Variants in VAV1 observed in about 807,000 individuals in gnomAD.
VAV1 encodes vav guanine nucleotide exchange factor 1, also known as proto-oncogene vav.
Under a neutral mutation model 128.1 loss-of-function variants are expected in VAV1, and 33 were observed. The ratio of observed to expected loss-of-function variants is 0.26; its 90% CI spans 0.20 to 0.34. The LOEUF is 0.34. Among genes scored for constraint, VAV1 ranks in the 10% least tolerant of loss-of-function variants. The pLI is 1.00. For missense variants in VAV1, 715 were observed against 1,093.7 expected, an observed-to-expected ratio of 0.65 and a Z score of 4.88; for synonymous variants, 394 against 409.8, an observed-to-expected ratio of 0.96 and a Z score of 0.47.
intron 22 of VAV1, among the ~76,000 whole-genome samples, chr19:6,844,207 A>ATCTC (rs1168147600): frequency 6.7e-6 from 1 of 149,006 alleles, no homozygotes. Context: ...TCAGTTTATC[A>ATCTC]TCTCTGGCTA....
intron 21 of VAV1, among the ~76,000 whole-genome samples, chr19:6,839,246 G>T (rs562445156): frequency 1.3e-5 from 2 of 149,360 alleles, no homozygotes; most frequent in Non-Finnish European, 3.0e-5. Context: ...TAGAGATAGG[G>T]TCTCACTATG....
rs966349908 is a variant in VAV1, at chr19:6,788,227, T to A, written c.204+15216T>A. On this transcript the variant is annotated intron_variant, in intron 1 of 26. Transcript: ENST00000602142. Reference sequence around the variant, plus strand: ...TAGATTACAGGAATGAGCCACCACATCCAGCCTGCTCTAAATTTATATTCT... The same window carrying A: ...TAGATTACAGGAATGAGCCACCACAACCAGCCTGCTCTAAATTTATATTCT... 2.0e-5 allele frequency among the ~76,000 whole-genome samples: 3 copies of A among 151,992 alleles called. No homozygotes were observed. In the Middle Eastern group the frequency reaches 0.01, roughly 517 times the overall value.
At chr19:6,795,860 T>A (rs1210431229) in intron 1 of VAV1, among the ~76,000 whole-genome samples, 1 of 152,148 alleles carries the variant, frequency 6.6e-6, no homozygotes, top group Non-Finnish European at 1.5e-5. Context: ...ATTTTTGTTA[T>A]TTTTAGTAGA....
At chr19:6,809,134 G>A (rs1971461562) in intron 1 of VAV1, among the ~76,000 whole-genome samples, 1 of 150,536 alleles carries the variant, frequency 6.6e-6, no homozygotes, top group African/African-American at 2.5e-5. Flanking sequence ...AAGCTGGGGT[G>A]CAGTGACTTG....
intron 21 of VAV1, among the ~76,000 whole-genome samples, chr19:6,837,971 C>G (rs1175906723): frequency 2.6e-5 from 4 of 151,986 alleles, no homozygotes; most frequent in Admixed American, 2.6e-4. Flanking sequence ...TTTTTTTGTT[C>G]CTATGGTTTC....
chr19:6,843,244 C>T (rs1042803490), intron 22 of VAV1, 78 bp downstream of exon 22: 62 of 1,514,416 alleles, frequency 4.1e-5, no homozygotes, highest in South Asian at 1.5e-4. Flanking sequence ...GAGGAACCTC[C>T]GAGCCAATTA....
chr19:6,788,329 G>A (rs16993789), intron 1 of VAV1, among the ~76,000 whole-genome samples: 5,373 of 147,374 alleles, frequency 0.036, 319 homozygotes, highest in African/African-American at 0.13. Flanking sequence ...ATTATCCTTC[G>A]TTGAACATGA....
intron 1 of VAV1, among the ~76,000 whole-genome samples, chr19:6,806,290 T>A (rs909695473): frequency 6.6e-6 from 1 of 152,214 alleles, no homozygotes; most frequent in African/African-American, 2.4e-5. Context: ...TTTCACCATG[T>A]TGGTCTGGCT....
chr19:6,828,705 C>A lies in VAV1; in HGVS notation c.1176C>A (p.Asn392Lys). 2 of 1,614,176 alleles carry A rather than the reference C, an allele frequency of 1.2e-6. No homozygotes were observed. Among genetic ancestry groups the A allele is most frequent in the Non-Finnish European group, 1.7e-6 (2 of 1,180,030 alleles). The part of the protein sequence containing the change: ...QITNFQLSIE[N>K]LDQSLAHYGR... Reference sequence around the variant, plus strand: ...CCAATTTCCAGCTGTCCATTGAGAACCTGGTGAGGCGGTGGAGCCGGGTGG... The same window carrying A: ...CCAATTTCCAGCTGTCCATTGAGAAACTGGTGAGGCGGTGGAGCCGGGTGG... Residue 392 changes from asparagine to lysine, a missense_variant, in exon 12 of 27, where the codon AAC (asparagine) becomes AAA (lysine). By Grantham distance (94) the Asn-to-Lys change is moderately conservative. Transcript: ENST00000602142. The surrounding 1 kb of genome is among the most constrained non-coding windows in gnomAD (Gnocchi z 4.5).
chr19:6,818,628 A>G (rs574163711), intron 1 of VAV1, among the ~76,000 whole-genome samples: 2 of 152,284 alleles, frequency 1.3e-5, no homozygotes, highest in East Asian at 3.9e-4. Flanking sequence ...GTATTTGGAT[A>G]TGGAGTATTT....
chr19:6,839,418 C>A (rs1972315334), intron 21 of VAV1, among the ~76,000 whole-genome samples: 2 of 151,818 alleles, frequency 1.3e-5, no homozygotes, highest in Non-Finnish European at 2.9e-5. Flanking sequence ...AGGCGTGCAC[C>A]ACCACACCTG....
At chr19:6,799,873 A>C (rs376975991) in intron 1 of VAV1, among the ~76,000 whole-genome samples, 1 of 150,878 alleles carries the variant, frequency 6.6e-6, no homozygotes, top group Non-Finnish European at 1.5e-5. Flanking sequence ...AAAAGGAAAG[A>C]AAAGAAAACA....
intron 21 of VAV1, among the ~76,000 whole-genome samples, chr19:6,839,413 TGCACCA>T (rs1247968474): frequency 1.3e-5 from 2 of 151,826 alleles, no homozygotes; most frequent in Non-Finnish European, 2.9e-5. Context: ...ATTACAGGCG[TGCACCA>T]CCACACCTGG....
intron 18 of VAV1, 81 bp downstream of exon 18, chr19:6,833,814 G>T (rs1278641823): frequency 6.2e-7 from 1 of 1,613,060 alleles, no homozygotes; most frequent in East Asian, 2.2e-5. Context: ...TCCTGGAACT[G>T]GGCAGGATCC....
chr19:6,854,221 G>A lies in VAV1; in HGVS notation c.2484+123G>A, dbSNP rs1056950998. 7.1e-6 allele frequency: 9 copies of A among 1,265,816 alleles called. No individual in the cohort carries two copies. In the African/African-American group the frequency reaches 1.2e-4, roughly 17 times the overall value. 78.4% of individuals were successfully genotyped at this position (1,265,816 alleles called of 1,614,324 possible). ...CCATGGAGATCTCTCACGGTGGGAG[G>A]GAAGGAAGGGACACAGGGATGTCAT... On this transcript the variant is annotated intron_variant, in intron 26 of 26. Transcript: ENST00000602142.
intron 22 of VAV1, 63 bp from the exon 23 acceptor site, chr19:6,847,935 A>G (rs1972564391): frequency 7.2e-7 from 1 of 1,393,910 alleles, no homozygotes; most frequent in Non-Finnish European, 9.4e-7. Flanking sequence ...CAACCTCCAT[A>G]TGGCAATATG....
intron 15 of VAV1, among the ~76,000 whole-genome samples, chr19:6,832,648 CCTT>C (rs1327272225): frequency 4.4e-5 from 4 of 91,720 alleles, no homozygotes; most frequent in Non-Finnish European, 6.6e-5. Flanking sequence ...CCTTTCCTCC[CCTT>C]CTTCCTCCTC....
In VAV1 at chr19:6,834,022, C is replaced by G. The variant is rs886181062; in HGVS notation, c.1777+69C>G. 2.5e-6 allele frequency: 4 copies of G among 1,604,572 alleles called. No homozygotes were observed. In the African/African-American group the frequency reaches 5.3e-5, roughly 21 times the overall value. On this transcript the variant is annotated intron_variant, in intron 19 of 26. Coordinates refer to ENST00000602142, the MANE Select transcript of VAV1 (RefSeq NM_005428.4). ...ATCTCTATTGATGTTGACCCAGGGACAGATCTCCATAATCATATTAACAGC... is the reference window on the plus strand; with the variant it reads ...ATCTCTATTGATGTTGACCCAGGGAGAGATCTCCATAATCATATTAACAGC...
intron 1 of VAV1, among the ~76,000 whole-genome samples, chr19:6,801,575 G>C: frequency 6.6e-6 from 1 of 152,168 alleles, no homozygotes; most frequent in Non-Finnish European, 1.5e-5. Flanking sequence ...GGGAGCTTGA[G>C]GTTGCCTGAT....
Sources: gnomAD v4.1 joint callset for allele counts (sites outside exome capture counted in the v4.1 genomes callset) on GRCh38, gnomAD v4.1.1 for gene constraint, Gnocchi (gnomAD v3.1) non-coding constraint, MANE v1.5 for transcripts, NCBI Gene and HGNC (gene_info 2026-07-23, HGNC 2026-07-21) for gene names.